The following DIP2C variants were observed in gnomAD, a reference collection of about 807,000 sequenced individuals.
DIP2C encodes the protein DIP2 acetate--CoA ligase C (putative).
Under a neutral mutation model 192.4 loss-of-function variants are expected in DIP2C, and 33 were observed. The ratio of observed to expected loss-of-function variants is 0.17; its 90% confidence interval spans 0.13 to 0.23. The LOEUF is 0.23. Ranked by LOEUF, DIP2C falls within the 10% of genes least tolerant of loss-of-function variation. The pLI, the probability that DIP2C is intolerant of heterozygous loss-of-function variation, is 1.00. For synonymous variants in DIP2C, 979 were observed against 864.1 expected (o/e 1.13, Z -2.33); for missense variants, 1,537 against 2,110.1 (o/e 0.73, Z 5.32).
At chr10:475,858 C>CAGGGGCAGCAG (rs1361584839) in intron 2 of DIP2C, among the ~76,000 whole-genome samples, 1 of 152,172 alleles carries the variant, frequency 6.6e-6, no homozygotes, top group Admixed American at 6.6e-5. Flanking sequence ...GCACAGGGCC[C>CAGGGGCAGCAG]AGGGGCAGCA....
At chr10:496,113 A>G (rs1344007569) in intron 1 of DIP2C, among the ~76,000 whole-genome samples, 1 of 133,860 alleles carries the variant, frequency 7.5e-6, no homozygotes, top group East Asian at 2.0e-4. Flanking sequence ...CGTGTACTTA[A>G]AATCTCTACA....
intron 1 of DIP2C, among the ~76,000 whole-genome samples, chr10:518,331 G>A (rs1023062782): frequency 3.9e-5 from 6 of 152,236 alleles, no homozygotes; most frequent in Non-Finnish European, 5.9e-5. Flanking sequence ...AAGCAGCTCC[G>A]ATTGATGCTG....
chr10:531,005 G>A (rs1847336330), intron 1 of DIP2C, among the ~76,000 whole-genome samples: 1 of 152,214 alleles, frequency 6.6e-6, no homozygotes, highest in South Asian at 2.1e-4. Flanking sequence ...CTGGACAGAA[G>A]GGCGTCGTGA....
At chr10:507,184 C>A (rs1432622210) in intron 1 of DIP2C, among the ~76,000 whole-genome samples, 1 of 149,404 alleles carries the variant, frequency 6.7e-6, no homozygotes, top group Admixed American at 6.7e-5. Context: ...ACCAGCTGTG[C>A]CCAATCAGAA....
At chr10:534,904 C>CT (rs1847612307) in intron 1 of DIP2C, among the ~76,000 whole-genome samples, 1 of 151,796 alleles carries the variant, frequency 6.6e-6, no homozygotes, top group African/African-American at 2.4e-5. Context: ...TCTCGATCTC[C>CT]TGACCTCATG....
intron 1 of DIP2C, among the ~76,000 whole-genome samples, chr10:538,318 G>A (rs568801680): frequency 2.6e-5 from 4 of 151,782 alleles, no homozygotes; most frequent in Admixed American, 2.0e-4. Context: ...CACCACACTC[G>A]GCTAGTTCTT....
intron 1 of DIP2C, among the ~76,000 whole-genome samples, chr10:495,091 G>A (rs1383041765): frequency 6.6e-6 from 1 of 152,154 alleles, no homozygotes; most frequent in Non-Finnish European, 1.5e-5. Flanking sequence ...GGATAAACCT[G>A]GAAGATATTA....
chr10:533,394 C>T (rs568882868), intron 1 of DIP2C, among the ~76,000 whole-genome samples: 9 of 152,214 alleles, frequency 5.9e-5, no homozygotes, highest in South Asian at 4.2e-4. Context: ...CCGCACAGCC[C>T]GGGCACCATA....
At chr10:473,028 C>A (rs1970755293) in intron 2 of DIP2C, among the ~76,000 whole-genome samples, 1 of 151,794 alleles carries the variant, frequency 6.6e-6, no homozygotes, top group African/African-American at 2.4e-5. Context: ...CCAGGACATA[C>A]CATGAACGTC....
At chr10:611,034 C>T (rs973343960) in intron 1 of DIP2C, among the ~76,000 whole-genome samples, 37 of 144,974 alleles carry the variant, frequency 2.6e-4, no homozygotes, top group African/African-American at 9.4e-4. Context: ...TGGGAGGTGA[C>T]TGACTCACGG....
At chr10:581,843 A>C (rs954933031) in intron 1 of DIP2C, among the ~76,000 whole-genome samples, 1 of 152,022 alleles carries the variant, frequency 6.6e-6, no homozygotes, top group African/African-American at 2.4e-5. Flanking sequence ...CGAGTCCAAA[A>C]ATCTACTGAC....
intron 1 of DIP2C, among the ~76,000 whole-genome samples, chr10:569,879 C>G (rs1849678949): frequency 6.6e-6 from 1 of 152,150 alleles, no homozygotes; most frequent in Non-Finnish European, 1.5e-5. Context: ...TTGAAGCCAT[C>G]TGGGTTTACC....
intron 1 of DIP2C, among the ~76,000 whole-genome samples, chr10:677,598 AT>A (rs1830918872): frequency 6.6e-6 from 1 of 152,238 alleles, no homozygotes; most frequent in Non-Finnish European, 1.5e-5. Context: ...CCCAGTTATT[AT>A]ACATAGTTGA....
intron 35 of DIP2C, among the ~76,000 whole-genome samples, chr10:282,579 A>G (rs1954886871): frequency 6.6e-6 from 1 of 152,244 alleles, no homozygotes; most frequent in Non-Finnish European, 1.5e-5. Flanking sequence ...TATTTTTAGC[A>G]GAACTAAGGA....
At chr10:633,871 C>T (rs1409712637) in intron 1 of DIP2C, among the ~76,000 whole-genome samples, 2 of 152,254 alleles carry the variant, frequency 1.3e-5, no homozygotes, top group Non-Finnish European at 2.9e-5. Context: ...AACTGACGAA[C>T]ATCTCTGAAT....
At chr10:354,142 C>G (rs1020655369) in intron 24 of DIP2C, among the ~76,000 whole-genome samples, 3 of 152,210 alleles carry the variant, frequency 2.0e-5, no homozygotes, top group African/African-American at 7.2e-5. Flanking sequence ...GGAAACAGCT[C>G]ACACCTCCAA....
chr10:648,662 G>A (rs561787351), intron 1 of DIP2C, among the ~76,000 whole-genome samples: 1 of 151,358 alleles, frequency 6.6e-6, no homozygotes, highest in East Asian at 2.0e-4. Flanking sequence ...TGGATGGTGG[G>A]AGAGAACATA....
intron 1 of DIP2C, among the ~76,000 whole-genome samples, chr10:532,686 TGAGAGAGTATGG>T (rs1847467528): frequency 2.5e-5 from 1 of 39,666 alleles, no homozygotes; most frequent in Non-Finnish European, 4.9e-5. Context: ...AGTATGGGTG[TGAGAGAGTATGG>T]GTGTGAGAGA....
intron 1 of DIP2C, among the ~76,000 whole-genome samples, chr10:519,335 A>G (rs913539164): frequency 1.6e-4 from 24 of 152,312 alleles, no homozygotes; most frequent in African/African-American, 5.8e-4. Context: ...AAATTCAGAG[A>G]AAGACCCCCG....
Sources: gnomAD v4.1 joint callset for allele counts (sites outside exome capture counted in the v4.1 genomes callset) on GRCh38, gnomAD v4.1.1 for gene constraint, MANE v1.5 for transcripts, NCBI Gene and HGNC (gene_info 2026-07-23, HGNC 2026-07-21) for gene names.